Variants in SLC25A18 observed in about 807,000 individuals in gnomAD.
SLC25A18 encodes the protein solute carrier family 25 member 18, also known as mitochondrial glutamate carrier 2.
SLC25A18 carries 24 observed loss-of-function variants against 31.1 expected under a neutral mutation model. The observed-to-expected ratio is 0.77, with a 90% CI of 0.56 to 1.08. The LOEUF (loss-of-function observed/expected upper bound fraction) is 1.08, where lower values mean the gene tolerates loss of function less well. Ranked by LOEUF, SLC25A18 falls within the 50% of genes least tolerant of loss-of-function variation. The pLI is 0.00. For synonymous variants in SLC25A18, 173 were observed against 161.9 expected (o/e 1.07, Z -0.52); for missense variants, 371 against 418.5 (o/e 0.89, Z 0.99).
intron 9 of SLC25A18, 170 bp downstream of exon 9, chr22:17,588,249 C>G (rs2057611281): frequency 5.9e-6 from 4 of 673,728 alleles, no homozygotes; most frequent in Admixed American, 6.1e-5. Flanking sequence ...CCTTCTGTTT[C>G]TCATCCCTGA....
In SLC25A18 at chr22:17,578,488, G is replaced by A. The variant is rs945020694; in HGVS notation, c.-200-1257G>A. Among the ~76,000 whole-genome samples the A allele has an allele frequency of 4.6e-5, 7 of 152,220 alleles. 1 individual carries two copies. Among genetic ancestry groups the A allele is most frequent in the South Asian group, 4.1e-4 (2 of 4,828 alleles). ...CTGGCAACCAGTCTCTCAATTGCTG[G>A]AGAGCAGTGAGGAGTGCAGGAGAGC... is the stretch of plus-strand genomic sequence containing the variant. On this transcript the variant is annotated intron_variant, in intron 2 of 10. Coordinates refer to ENST00000327451, the MANE Select transcript of SLC25A18 (RefSeq NM_031481.3).
At position 17,590,124 on chromosome 22, in the gene SLC25A18, C is replaced by A. The variant is rs1488596198; in HGVS notation, c.836C>A (p.Ala279Asp). 2 of 1,614,074 alleles carry A rather than the reference C, an allele frequency of 1.2e-6. No individual in the cohort carries two copies. The highest frequency in any genetic ancestry group is 2.7e-5 in the African/African-American group (2 of 74,938). The part of the protein sequence containing the change: ...RKLWIQEGPS[A>D]FMKGAGCRAL... ...CTCTGGATTCAGGAGGGACCATCTG[C>A]CTTCATGAAAGGCGCTGGCTGCCGG... The change falls in exon 11 of 11, where the codon GCC becomes GAC. Residue 279 changes from alanine to aspartate, a missense_variant. Transcript: ENST00000327451.
At chr22:17,587,813 C>T (rs1004250857) in intron 8 of SLC25A18, 112 bp from the exon 9 acceptor site, 56 of 1,338,958 alleles carry the variant, frequency 4.2e-5, no homozygotes, top group Non-Finnish European at 5.2e-5. Flanking sequence ...GATGAGTCCC[C>T]GTGGCTCCTC....
Position 17,571,034 on chromosome 22 carries a change from G to T in SLC25A18, c.-201+1048G>T, listed in dbSNP as rs114510201. Among the ~76,000 whole-genome samples, 602 of 152,288 alleles carry T rather than the reference G, an allele frequency of 4.0e-3. 5 individuals are homozygous for T. Among genetic ancestry groups the T allele is most frequent in the African/African-American group, 0.014 (570 of 41,562 alleles). On this transcript the variant is annotated intron_variant, in intron 2 of 10. Transcript: ENST00000327451. ...GTCCTGGGTGAAGGGGACAGTATGT[G>T]CAAGACTCGGAAGCAAGACTGACGT...
intron 3 of SLC25A18, chr22:17,580,602 G>A (rs1160382549): frequency 5.0e-6 from 5 of 993,938 alleles, no homozygotes; most frequent in East Asian, 1.1e-4. Context: ...GAGTGAGTTC[G>A]ACGGGAATGC....
chr22:17,564,481 A>G (rs1601241008), intron 1 of SLC25A18, among the ~76,000 whole-genome samples: 1 of 152,170 alleles, frequency 6.6e-6, no homozygotes, highest in Non-Finnish European at 1.5e-5. Context: ...GATGCAGGTA[A>G]TCTGAGCTGA....
chr22:17,575,104 G>A (rs774192032), intron 2 of SLC25A18, among the ~76,000 whole-genome samples: 83 of 151,958 alleles, frequency 5.5e-4, no homozygotes, highest in Middle Eastern at 6.8e-3. Context: ...CACCTGCCTC[G>A]GCCTCCCACA....
intron 2 of SLC25A18, among the ~76,000 whole-genome samples, chr22:17,572,011 C>T (rs1423150383): frequency 2.6e-5 from 4 of 151,116 alleles, no homozygotes; most frequent in Non-Finnish European, 4.4e-5. Context: ...AGCAAGACTC[C>T]CGTCTCAGAA....
chr22:17,585,995 G>A (rs2057539834), intron 7 of SLC25A18, among the ~76,000 whole-genome samples: 1 of 152,052 alleles, frequency 6.6e-6, no homozygotes, highest in Admixed American at 6.6e-5. Flanking sequence ...ATTCTAATGA[G>A]TAATATTGAA....
chr22:17,582,333 G>A (rs141507569), intron 5 of SLC25A18: 11,825 of 343,392 alleles, frequency 0.034, 312 homozygotes, highest in African/African-American at 0.091. Flanking sequence ...CCGAGATCGC[G>A]CCACTGCACT....
intron 1 of SLC25A18, among the ~76,000 whole-genome samples, chr22:17,568,193 T>C (rs2056987164): frequency 6.6e-6 from 1 of 151,478 alleles, no homozygotes; most frequent in Non-Finnish European, 1.5e-5. Flanking sequence ...TGAAACCCCG[T>C]CTCTACTAAA....
In SLC25A18 at chr22:17,581,048, A is replaced by C. The variant is rs1402011235; in HGVS notation, c.32A>C (p.Lys11Thr). 3.2e-6 allele frequency: 5 copies of C among 1,552,948 alleles called. No individual in the cohort carries two copies. In the African/African-American group the frequency reaches 6.8e-5, roughly 21 times the overall value. ...TCCCCCTGTCCTAGCATCACAGCCA[A>C]ACTCATCAATGGAGGTGTAGCAGGG... Reference protein sequence around the residue: MTHQDLSITAKLINGGVAGLV... With the variant: MTHQDLSITATLINGGVAGLV... The change falls in exon 4 of 11, where the codon AAA becomes ACA. Residue 11 changes from lysine to threonine, a missense_variant. Coordinates refer to ENST00000327451, the MANE Select transcript of SLC25A18 (RefSeq NM_031481.3).
chr22:17,582,933 G>A (rs1034055102), intron 6 of SLC25A18, among the ~76,000 whole-genome samples: 1 of 152,194 alleles, frequency 6.6e-6, no homozygotes, highest in African/African-American at 2.4e-5. Context: ...CACCAAGCTG[G>A]CTGCAGTGGC....
At position 17,570,134 on chromosome 22, in the gene SLC25A18, G is replaced by A. The variant is rs78200882; in HGVS notation, c.-201+148G>A. On this transcript the variant is annotated intron_variant, in intron 2 of 10. Transcript: ENST00000327451. The stretch of plus-strand genomic sequence containing the variant: ...GGATAGAGTCAGAAGGGGTGGGCAC[G>A]AGGAAGTGGCCGCCCCTGACCATGG... 4,331 of 452,258 alleles carry A rather than the reference G, an allele frequency of 9.6e-3. 188 individuals carry two copies. Among genetic ancestry groups the A allele is most frequent in the African/African-American group, 0.086 (4,063 of 47,000 alleles). 28.0% of individuals were successfully genotyped at this position (452,258 alleles called of 1,614,324 possible).
chr22:17,568,741 T>G (rs1195826135), intron 1 of SLC25A18, among the ~76,000 whole-genome samples: 1 of 150,998 alleles, frequency 6.6e-6, no homozygotes, highest in Non-Finnish European at 1.5e-5. Flanking sequence ...TTTTGTATTT[T>G]TAGTAGAAAC....
chr22:17,589,588 A>G lies in SLC25A18; in HGVS notation c.731-2A>G, dbSNP rs1273089933. The G allele has an allele frequency of 2.5e-6, 4 of 1,613,926 alleles. No individual in the cohort carries two copies. The Admixed American group carries it at 6.7e-5, about 27-fold the overall frequency. On this transcript the variant is annotated splice_acceptor_variant, in intron 9 of 10. Transcript: ENST00000327451. LOFTEE classifies it high-confidence loss of function. ...ACTTACTTTAACTTTTACTTGATTT[A>G]GTTCTGAAAACTCGAATCCAAACCC...
Position 17,590,357 on chromosome 22 carries a change from T to C in SLC25A18, c.*121T>C. ...TGCCTGGTCCTCTGCGTTGTAGTGC[T>C]ACCTCAATCTCGGGAGAAACAGCCC... On this transcript the variant is annotated 3_prime_UTR_variant, in exon 11 of 11. Coordinates refer to ENST00000327451, the MANE Select transcript of SLC25A18 (RefSeq NM_031481.3). The C allele has an allele frequency of 8.3e-7, 1 of 1,201,490 alleles. No individual in the cohort carries two copies. Among genetic ancestry groups the C allele is most frequent in the Non-Finnish European group, 1.2e-6 (1 of 855,064 alleles). 74.4% of individuals were successfully genotyped at this position (1,201,490 alleles called of 1,614,324 possible).
intron 1 of SLC25A18, among the ~76,000 whole-genome samples, chr22:17,565,939 C>T (rs780010095): frequency 1.2e-4 from 19 of 152,158 alleles, no homozygotes; most frequent in Non-Finnish European, 2.4e-4. Context: ...GTGATCCTCC[C>T]ACCTCAGCCT....
intron 3 of SLC25A18, 58 bp from the exon 4 acceptor site, chr22:17,580,979 C>A: frequency 6.7e-7 from 1 of 1,497,224 alleles, no homozygotes; most frequent in African/African-American, 1.4e-5. Flanking sequence ...GCTGCATCCG[C>A]TCCCTAACCT....
Sources: gnomAD v4.1 joint callset for allele counts (sites outside exome capture counted in the v4.1 genomes callset) on GRCh38, gnomAD v4.1.1 for gene constraint, MANE v1.5 for transcripts, NCBI Gene and HGNC (gene_info 2026-07-23, HGNC 2026-07-21) for gene names.